SLC22A23: variants seen among roughly 807,000 people sequenced by gnomAD.
SLC22A23 encodes the protein solute carrier family 22 member 23.
SLC22A23 carries 26 observed loss-of-function variants against 61.0 expected under a neutral mutation model. The observed-to-expected ratio is 0.43, with a 90% CI of 0.31 to 0.59. The LOEUF is 0.59. Among genes scored for constraint, SLC22A23 ranks in the 20% least tolerant of loss-of-function variants. The probability of loss-of-function intolerance (pLI) is 0.11; values close to 1 mark genes in which losing one functional copy is unlikely to be tolerated. For synonymous variants in SLC22A23, 430 were observed against 413.9 expected, an observed-to-expected ratio of 1.04 and a Z score of -0.47; for missense variants, 796 against 934.7, an observed-to-expected ratio of 0.85 and a Z score of 1.94.
intron 3 of SLC22A23, among the ~76,000 whole-genome samples, chr6:3,376,297 C>T (rs1461191808): frequency 6.6e-6 from 1 of 152,164 alleles, no homozygotes; most frequent in Non-Finnish European, 1.5e-5. Context: ...TGCTGTGCCC[C>T]AGCCAAAGGA....
intron 1 of SLC22A23, among the ~76,000 whole-genome samples, chr6:3,441,888 C>G (rs537596569): frequency 6.6e-6 from 1 of 152,164 alleles, no homozygotes; most frequent in Non-Finnish European, 1.5e-5. Context: ...AGGGACACCA[C>G]GCAAGCAGCT....
intron 4 of SLC22A23, chr6:3,312,574 G>C (rs1762422334): frequency 6.6e-6 from 1 of 152,182 alleles, no homozygotes; most frequent in African/African-American, 2.4e-5. Context: ...TCTGATGGCT[G>C]AGTGAGGCTG....
At chr6:3,423,904 T>A (rs1298207610) in intron 1 of SLC22A23, among the ~76,000 whole-genome samples, 1 of 152,068 alleles carries the variant, frequency 6.6e-6, no homozygotes, top group East Asian at 1.9e-4. Flanking sequence ...AGGGGATCTC[T>A]GAAATGAGAA....
intron 3 of SLC22A23, among the ~76,000 whole-genome samples, chr6:3,344,545 C>T (rs917939445): frequency 2.6e-5 from 4 of 152,168 alleles, no homozygotes; most frequent in Admixed American, 2.6e-4. Context: ...GGCCAAACAG[C>T]CTGGGTTCTA....
rs546726507 is a variant in SLC22A23 at position 3,270,431 on chromosome 6, G to A, written c.*2624C>T. The A allele has an allele frequency of 6.6e-6, 1 of 152,444 alleles. No individual in the cohort carries two copies. The highest frequency in any genetic ancestry group is 1.5e-5 in the Non-Finnish European group (1 of 68,048). The allele number at this position is 152,444 out of a possible 1,614,324, so 9.4% of individuals were successfully genotyped here. A position where few individuals can be genotyped will look rare whatever the true frequency, so the allele number is the denominator to read the frequency against. On this transcript the variant is annotated 3_prime_UTR_variant, in exon 10 of 10. Transcript: ENST00000406686. ...GCCCACAGGGAAGTGTTGCTGCTCT[G>A]GCAACATTTCATAAAGGTGTTGCTC...
At chr6:3,343,207 T>C (rs1365075288) in intron 3 of SLC22A23, among the ~76,000 whole-genome samples, 1 of 152,176 alleles carries the variant, frequency 6.6e-6, no homozygotes, top group Non-Finnish European at 1.5e-5. Flanking sequence ...CAACAGTCCT[T>C]ATGGCCAGTG....
intron 3 of SLC22A23, among the ~76,000 whole-genome samples, chr6:3,405,514 G>A (rs1239339972): frequency 6.6e-6 from 1 of 152,018 alleles, no homozygotes; most frequent in Non-Finnish European, 1.5e-5. Flanking sequence ...CTCCCCAGAA[G>A]CCCACAAGGT....
chr6:3,453,660 C>A (rs1487234569), intron 1 of SLC22A23, among the ~76,000 whole-genome samples: 1 of 152,108 alleles, frequency 6.6e-6, no homozygotes, highest in African/African-American at 2.4e-5. Flanking sequence ...GGCACACACA[C>A]GCTAAAGGAT....
At chr6:3,284,757 C>T (rs374387062) in intron 8 of SLC22A23, among the ~76,000 whole-genome samples, 2 of 152,370 alleles carry the variant, frequency 1.3e-5, no homozygotes, top group South Asian at 4.1e-4. Context: ...TTTCTCCCCC[C>T]ACCCAGACAA....
intron 3 of SLC22A23, among the ~76,000 whole-genome samples, chr6:3,357,615 A>T (rs147109325): frequency 3.7e-4 from 56 of 152,320 alleles, no homozygotes; most frequent in African/African-American, 1.3e-3. Flanking sequence ...TAGTTTAGGG[A>T]CTGTGTTCTT....
intron 3 of SLC22A23, among the ~76,000 whole-genome samples, chr6:3,384,835 GA>G (rs2127478743): frequency 6.6e-6 from 1 of 152,260 alleles, no homozygotes; most frequent in East Asian, 1.9e-4. Context: ...CGAGAATGTG[GA>G]AGCAACCTAA....
chr6:3,273,516 G>T, intron 9 of SLC22A23, 104 bp from the exon 10 acceptor site: 2 of 1,290,402 alleles, frequency 1.5e-6, no homozygotes, highest in Non-Finnish European at 2.2e-6. Flanking sequence ...GGGCCCTGCT[G>T]CCCTGGGCAC....
At chr6:3,283,488 T>G (rs1759671672) in intron 9 of SLC22A23, 3 of 308,100 alleles carry the variant, frequency 9.7e-6, no homozygotes, top group African/African-American at 6.5e-5. Context: ...GCACTAGCTG[T>G]GCCGTGAGGT....
chr6:3,279,292 CA>C (rs1005468239), intron 9 of SLC22A23, among the ~76,000 whole-genome samples: 2 of 151,444 alleles, frequency 1.3e-5, no homozygotes, highest in Non-Finnish European at 2.9e-5. Flanking sequence ...ATGGGCAGAT[CA>C]CGAGGTCAGG....
chr6:3,360,942 G>C lies in SLC22A23; in HGVS notation c.914-36940C>G, dbSNP rs1175987154. The stretch of plus-strand genomic sequence containing the variant: ...TCAGAGCGTGGTACTGGGGTGACGA[G>C]AGGCGCTAGCGAACATCAGCAGCTG... On this transcript the variant is annotated intron_variant, in intron 3 of 9. Transcript: ENST00000406686. This position sits in a 1 kb window ranked among gnomAD's most constrained non-coding sequence, Gnocchi z 4.6. 1.3e-5 allele frequency among the ~76,000 whole-genome samples: 2 copies of C among 152,262 alleles called. No individual in the cohort carries two copies. Among genetic ancestry groups the C allele is most frequent in the Non-Finnish European group, 2.9e-5 (2 of 68,050 alleles).
chr6:3,353,475 C>T (rs7766646), intron 3 of SLC22A23, among the ~76,000 whole-genome samples: 57,093 of 152,030 alleles, frequency 0.38, 12,107 homozygotes, highest in African/African-American at 0.58. Flanking sequence ...TGGGAAATGC[C>T]GTGACCCTCA....
intron 3 of SLC22A23, among the ~76,000 whole-genome samples, chr6:3,359,876 AG>A (rs1422397286): frequency 6.6e-6 from 1 of 152,210 alleles, no homozygotes; most frequent in South Asian, 2.1e-4. Flanking sequence ...TTAAAAAGGG[AG>A]GCCATATCCA....
chr6:3,289,658 G>A lies in SLC22A23; in HGVS notation c.1313+106C>T. On this transcript the variant is annotated intron_variant, in intron 6 of 9. Transcript: ENST00000406686. The stretch of plus-strand genomic sequence containing the variant: ...TCACTCTTCACACACACACCCTTAG[G>A]ATTCCAAGTTCAGCGGGGTGGGGAG... 3.4e-6 allele frequency: 3 copies of A among 874,194 alleles called. 1 individual carries two copies. In the South Asian group the frequency reaches 4.9e-5, roughly 14 times the overall value. 54.2% of individuals were successfully genotyped at this position (874,194 alleles called of 1,614,324 possible).
At chr6:3,354,564 A>G (rs896394787) in intron 3 of SLC22A23, among the ~76,000 whole-genome samples, 3 of 152,258 alleles carry the variant, frequency 2.0e-5, no homozygotes, top group Admixed American at 1.3e-4. Flanking sequence ...CCCAGCATCC[A>G]GCAGGCACTC....
Sources: allele counts gnomAD v4.1 joint callset (sites outside exome capture counted in the v4.1 genomes callset), GRCh38; gene constraint gnomAD v4.1.1; non-coding constraint Gnocchi (gnomAD v3.1); transcripts MANE v1.5; gene names NCBI Gene and HGNC (gene_info 2026-07-23, HGNC 2026-07-21).